Variants in CDKAL1 observed in about 807,000 individuals in gnomAD.
CDKAL1 encodes threonylcarbamoyladenosine tRNA methylthiotransferase.
A neutral mutation model predicts 68.2 loss-of-function variants in CDKAL1; 32 were observed. The ratio of observed to expected loss-of-function variants is 0.47; its 90% CI spans 0.35 to 0.63. The LOEUF is 0.63. CDKAL1 is among the 30% of genes least tolerant of loss of function. The pLI, the probability that CDKAL1 is intolerant of heterozygous loss-of-function variation, is 0.00. For missense variants in CDKAL1, 606 were observed against 696.7 expected, an observed-to-expected ratio of 0.87 and a Z score of 1.47; for synonymous variants, 234 against 244.3, an observed-to-expected ratio of 0.96 and a Z score of 0.39.
chr6:20,885,110 C>T (rs1006591827), intron 9 of CDKAL1, among the ~76,000 whole-genome samples: 9 of 152,190 alleles, frequency 5.9e-5, no homozygotes, highest in African/African-American at 1.9e-4. Context: ...TCTACAGATT[C>T]GGCACAATCC....
In CDKAL1 at chr6:20,951,099, C is replaced by G. The variant is rs147074421; in HGVS notation, c.743-4320C>G. Among the ~76,000 whole-genome samples, 895 of 152,260 alleles carry G rather than the reference C, an allele frequency of 5.9e-3. 14 individuals are homozygous for G. Among genetic ancestry groups the G allele is most frequent in the African/African-American group, 0.02 (847 of 41,538 alleles). On this transcript the variant is annotated intron_variant, in intron 9 of 15. Coordinates refer to ENST00000274695, the MANE Select transcript of CDKAL1 (RefSeq NM_017774.3). Reference sequence around the variant, plus strand: ...TACTTGATGTAGGTTTCCCTGCCATCCAGTGCTCTTTAACTATAGATCCCC... The same window carrying G: ...TACTTGATGTAGGTTTCCCTGCCATGCAGTGCTCTTTAACTATAGATCCCC...
At chr6:20,975,261 A>G (rs149303440) in intron 10 of CDKAL1, among the ~76,000 whole-genome samples, 4 of 152,334 alleles carry the variant, frequency 2.6e-5, no homozygotes, top group African/African-American at 4.8e-5. Context: ...GTAGATATCA[A>G]TGCTGCAATT....
At position 20,853,218 on chromosome 6, in the gene CDKAL1, C is replaced by T. The variant is rs575455053; in HGVS notation, c.742+7040C>T. Among the ~76,000 whole-genome samples, 140 of 151,824 alleles carry T rather than the reference C, an allele frequency of 9.2e-4. 2 individuals carry two copies. Among genetic ancestry groups the T allele is most frequent in the Non-Finnish European group, 1.0e-3 (70 of 67,916 alleles). On this transcript the variant is annotated intron_variant, in intron 9 of 15. Transcript: ENST00000274695. The stretch of plus-strand genomic sequence containing the variant: ...CACACAGGATGAAACCCCTTCTCTA[C>T]TAAAAATACAAAAATTAGCTAGGCG...
At chr6:20,851,454 AAAC>A (rs1415047538) in intron 9 of CDKAL1, among the ~76,000 whole-genome samples, 1 of 152,196 alleles carries the variant, frequency 6.6e-6, no homozygotes, top group Non-Finnish European at 1.5e-5. Context: ...AGTGGTGTGG[AAAC>A]AACACCTTTC....
At chr6:21,209,617 C>T (rs753592427) in intron 15 of CDKAL1, among the ~76,000 whole-genome samples, 33 of 152,178 alleles carry the variant, frequency 2.2e-4, no homozygotes, top group Non-Finnish European at 3.2e-4. Context: ...CTCACCTGTG[C>T]GACATAATTA....
At chr6:20,756,947 T>TCCCTCCTTC (rs1481137038) in intron 6 of CDKAL1, among the ~76,000 whole-genome samples, 1 of 146,272 alleles carries the variant, frequency 6.8e-6, no homozygotes, top group Admixed American at 6.9e-5. Flanking sequence ...CTTCCCTCCT[T>TCCCTCCTTC]CCTTCCTTCC....
chr6:20,814,060 A>G (rs1174114363), intron 8 of CDKAL1, among the ~76,000 whole-genome samples: 1 of 152,032 alleles, frequency 6.6e-6, no homozygotes, highest in Non-Finnish European at 1.5e-5. Context: ...ATTCATGAAC[A>G]TGGTATATCT....
intron 12 of CDKAL1, among the ~76,000 whole-genome samples, chr6:21,065,470 T>A (rs1026807726): frequency 2.0e-5 from 3 of 151,950 alleles, no homozygotes; most frequent in Non-Finnish European, 4.4e-5. Flanking sequence ...GGGAAAAAAA[T>A]TTTTAATTAG....
At chr6:20,871,284 T>G (rs889489719) in intron 9 of CDKAL1, among the ~76,000 whole-genome samples, 6 of 152,182 alleles carry the variant, frequency 3.9e-5, no homozygotes, top group Non-Finnish European at 8.8e-5. Flanking sequence ...CAGCTGTGTG[T>G]CTAATAATTA....
rs953221264 is a variant in CDKAL1, at chr6:20,539,837, G to C, written c.-6+4443G>C. On this transcript the variant is annotated intron_variant, in intron 2 of 15. Coordinates refer to ENST00000274695, the MANE Select transcript of CDKAL1 (RefSeq NM_017774.3). This position sits in a 1 kb window ranked among gnomAD's most constrained non-coding sequence, Gnocchi z 4.3. ...GGTTTTAAAGGGATCCCTGACTTCTGTGCTGAAAATGTTCTTGTAGAGTTT... is the reference window on the plus strand; with the variant it reads ...GGTTTTAAAGGGATCCCTGACTTCTCTGCTGAAAATGTTCTTGTAGAGTTT... Among the ~76,000 whole-genome samples the C allele has an allele frequency of 1.3e-5, 2 of 152,162 alleles. No individual in the cohort carries two copies. The highest frequency in any genetic ancestry group is 2.9e-5 in the Non-Finnish European group (2 of 68,038).
At chr6:20,901,876 A>G (rs1022240042) in intron 9 of CDKAL1, among the ~76,000 whole-genome samples, 3 of 151,716 alleles carry the variant, frequency 2.0e-5, no homozygotes, top group African/African-American at 7.3e-5. Context: ...TCCCGGGCTC[A>G]AGCAATTTTC....
At chr6:21,132,472 G>T (rs909412595) in intron 13 of CDKAL1, among the ~76,000 whole-genome samples, 12 of 150,820 alleles carry the variant, frequency 8.0e-5, no homozygotes, top group African/African-American at 2.7e-4. Flanking sequence ...AATCTCTTAA[G>T]CTCAGCCATT....
At chr6:21,213,404 A>C (rs141017007) in intron 15 of CDKAL1, among the ~76,000 whole-genome samples, 13 of 152,174 alleles carry the variant, frequency 8.5e-5, no homozygotes, top group African/African-American at 3.1e-4. Context: ...AACATGGATG[A>C]TGTTTTGCCC....
chr6:20,947,509 T>TGAGTCCAG (rs200098659), intron 9 of CDKAL1, among the ~76,000 whole-genome samples: 6,182 of 152,164 alleles, frequency 0.041, 174 homozygotes, highest in Middle Eastern at 0.068. Context: ...CAGGATCACT[T>TGAGTCCAG]GAGTCCAGGA....
At chr6:21,164,306 T>A (rs1029860053) in intron 13 of CDKAL1, among the ~76,000 whole-genome samples, 4 of 152,018 alleles carry the variant, frequency 2.6e-5, no homozygotes, top group African/African-American at 9.7e-5. Flanking sequence ...TTTTAAAAAA[T>A]TTCCACTCAT....
rs1264541102 is a variant in CDKAL1 at position 21,212,774 on chromosome 6, TA to T, written c.1548+11503del. Among the ~76,000 whole-genome samples the T allele has an allele frequency of 2.0e-5, 3 of 152,236 alleles. No homozygotes were observed. The East Asian group carries it at 5.8e-4, about 29-fold the overall frequency. On this transcript the variant is annotated intron_variant, in intron 15 of 15. Transcript: ENST00000274695. ...GCTTATATGCATGCAAGCAGTGTTT[TA>T]AATTTAAAGGGCTTTGGGGAAACAA...
chr6:20,691,517 T>C (rs1289091224), intron 5 of CDKAL1, among the ~76,000 whole-genome samples: 1 of 152,122 alleles, frequency 6.6e-6, no homozygotes, highest in Non-Finnish European at 1.5e-5. Flanking sequence ...AACTTCCTTA[T>C]TAGAGGAGGC....
At chr6:21,108,496 T>A (rs1419433906) in intron 13 of CDKAL1, 33 bp downstream of exon 13, 1 of 1,396,260 alleles carries the variant, frequency 7.2e-7, no homozygotes, top group Non-Finnish European at 1.0e-6. Flanking sequence ...ATATTAAGTA[T>A]TAAAGTCTTT....
intron 5 of CDKAL1, among the ~76,000 whole-genome samples, chr6:20,655,821 G>A (rs1562001397): frequency 6.6e-6 from 1 of 152,204 alleles, no homozygotes. Context: ...TGGCTAGAAT[G>A]AAGTGAGGAA....
Sources: gnomAD v4.1 joint callset for allele counts (sites outside exome capture counted in the v4.1 genomes callset) on GRCh38, gnomAD v4.1.1 for gene constraint, Gnocchi (gnomAD v3.1) non-coding constraint, MANE v1.5 for transcripts, NCBI Gene and HGNC (gene_info 2026-07-23, HGNC 2026-07-21) for gene names.